TBXAS1: variants seen among roughly 807,000 people sequenced by gnomAD.
TBXAS1 encodes the protein thromboxane-A synthase.
TBXAS1 carries 48 observed loss-of-function variants against 60.7 expected under a neutral mutation model. The observed-to-expected ratio is 0.79, with a 90% CI of 0.63 to 1.01. TBXAS1 has a LOEUF of 1.01. TBXAS1 is among the 50% of genes least tolerant of loss of function. The pLI is 0.00. For synonymous variants in TBXAS1, 287 were observed against 269.7 expected (o/e 1.06, Z -0.63); for missense variants, 685 against 686.3 (o/e 1.00, Z 0.02).
chr7:139,829,707 G>A (rs548167954), intron 1 of TBXAS1, among the ~76,000 whole-genome samples: 25 of 152,278 alleles, frequency 1.6e-4, no homozygotes, highest in Middle Eastern at 3.4e-3. Context: ...GACTGAGAAC[G>A]CTACACATAA....
At chr7:139,961,875 G>T in intron 8 of TBXAS1, 44 bp from the exon 9 acceptor site, 3 of 1,612,528 alleles carry the variant, frequency 1.9e-6, no homozygotes, top group South Asian at 2.2e-5. Flanking sequence ...CACTCTTCAT[G>T]ACTGTAAGGT....
chr7:139,784,763 A>G (rs1011078953), intron 3 of TBXAS1, among the ~76,000 whole-genome samples: 15 of 152,200 alleles, frequency 9.9e-5, no homozygotes, highest in Admixed American at 3.3e-4. Flanking sequence ...TGTTGAGTCT[A>G]AAGTACCTAT....
At chr7:139,817,664 G>A (rs1798185616) in intron 4 of TBXAS1, among the ~76,000 whole-genome samples, 1 of 152,222 alleles carries the variant, frequency 6.6e-6, no homozygotes, top group African/African-American at 2.4e-5. Context: ...GCATGAAAGT[G>A]AGATGATGTG....
chr7:139,959,781 A>G (rs1236456038), intron 8 of TBXAS1, among the ~76,000 whole-genome samples: 1 of 152,100 alleles, frequency 6.6e-6, no homozygotes, highest in Non-Finnish European at 1.5e-5. Flanking sequence ...GACCACAATG[A>G]TATCACACCC....
chr7:139,916,439 A>C lies in TBXAS1; in HGVS notation c.333+5118A>C, dbSNP rs897744919. On this transcript the variant is annotated intron_variant, in intron 4 of 12. Coordinates refer to ENST00000448866, the MANE Select transcript of TBXAS1 (RefSeq NM_001061.7). The surrounding 1 kb of genome is among the most constrained non-coding windows in gnomAD (Gnocchi z 4.2). ...GGTCCTCATGAGCAACACAGAGGTC[A>C]CCTCTCCAGGCACAGGTCGAGCCAC... Among the ~76,000 whole-genome samples, 1 of 152,058 alleles carries C rather than the reference A, an allele frequency of 6.6e-6. No homozygotes were observed. Among genetic ancestry groups the C allele is most frequent in the Non-Finnish European group, 1.5e-5 (1 of 68,026 alleles).
At chr7:139,985,334 T>C (rs976765863) in intron 9 of TBXAS1, among the ~76,000 whole-genome samples, 13 of 152,172 alleles carry the variant, frequency 8.5e-5, no homozygotes, top group East Asian at 1.9e-4. Flanking sequence ...ACTGTCTGTG[T>C]CCCTCTAGAG....
intron 9 of TBXAS1, among the ~76,000 whole-genome samples, chr7:139,998,896 T>C (rs1813476217): frequency 6.6e-6 from 1 of 152,220 alleles, no homozygotes; most frequent in African/African-American, 2.4e-5. Context: ...AATCTCTGTG[T>C]TTTTATGAGA....
intron 5 of TBXAS1, among the ~76,000 whole-genome samples, chr7:139,949,541 T>C (rs569523516): frequency 6.6e-6 from 1 of 152,354 alleles, no homozygotes; most frequent in East Asian, 1.9e-4. Context: ...TGAGACTTCT[T>C]GGAAGTTGGG....
At chr7:139,879,063 C>T (rs17161202) in intron 3 of TBXAS1, among the ~76,000 whole-genome samples, 2,266 of 152,282 alleles carry the variant, frequency 0.015, 31 homozygotes, top group African/African-American at 0.032. Flanking sequence ...GTTTGAGGCT[C>T]AAAACTGGAA....
intron 9 of TBXAS1, among the ~76,000 whole-genome samples, chr7:139,992,867 C>T (rs1440970241): frequency 6.6e-6 from 1 of 152,158 alleles, no homozygotes; most frequent in Non-Finnish European, 1.5e-5. Flanking sequence ...TGTGTCTCTT[C>T]CTCTTTTTAA....
At chr7:139,851,776 A>G (rs1415124691) in intron 1 of TBXAS1, among the ~76,000 whole-genome samples, 1 of 152,206 alleles carries the variant, frequency 6.6e-6, no homozygotes, top group Admixed American at 6.5e-5. Context: ...ACATTTGTTC[A>G]CAATAGGGCA....
intron 3 of TBXAS1, among the ~76,000 whole-genome samples, chr7:139,902,250 T>C (rs1804641159): frequency 6.6e-6 from 1 of 151,936 alleles, no homozygotes; most frequent in South Asian, 2.1e-4. Context: ...GAACTACCCC[T>C]GTATAGCCAC....
At chr7:139,952,776 T>C (rs1388780013) in intron 5 of TBXAS1, 10 of 1,354,522 alleles carry the variant, frequency 7.4e-6, no homozygotes, top group East Asian at 2.6e-5. Flanking sequence ...AGGAGGCATC[T>C]TGAAGTCAAG....
At chr7:139,828,272 T>C (rs1798503327), upstream of TBXAS1, among the ~76,000 whole-genome samples, 2 of 152,366 alleles carry the variant, frequency 1.3e-5, no homozygotes, top group South Asian at 4.1e-4. Context: ...TCAATTCTAT[T>C]GCTGAGACTT....
At chr7:139,900,093 T>A (rs886615349) in intron 3 of TBXAS1, among the ~76,000 whole-genome samples, 1 of 152,244 alleles carries the variant, frequency 6.6e-6, no homozygotes, top group Non-Finnish European at 1.5e-5. Flanking sequence ...ACGATTGTTG[T>A]TAATCTCAAA....
At chr7:140,019,892 G>A (rs544256932) in intron 12 of TBXAS1, 133 bp from the exon 13 acceptor site, 14 of 813,780 alleles carry the variant, frequency 1.7e-5, no homozygotes, top group Middle Eastern at 2.2e-4. Flanking sequence ...AGATAGGTTT[G>A]GGGCTTTGCT....
rs544341642 is a variant in TBXAS1, at chr7:139,811,490, T to C, written c.-79-17822T>C. Among the ~76,000 whole-genome samples the C allele has an allele frequency of 3.3e-5, 5 of 152,386 alleles. No homozygotes were observed. In the East Asian group the frequency reaches 9.6e-4, roughly 29 times the overall value. On this transcript the variant is annotated intron_variant, in intron 4 of 16. Coordinates refer to the TBXAS1 transcript ENST00000336425. ...GCTGCTTATGAAAATTGTCTGTACC[T>C]GTCTTTGATGATTCTGGACTAGAAA...
At chr7:139,783,600 G>A (rs1221191821) in intron 3 of TBXAS1, among the ~76,000 whole-genome samples, 1 of 152,224 alleles carries the variant, frequency 6.6e-6, no homozygotes, top group Non-Finnish European at 1.5e-5. Context: ...AAATGGTGCA[G>A]AAAGAAGCTT....
intron 3 of TBXAS1, among the ~76,000 whole-genome samples, chr7:139,905,000 TTTCTC>T (rs1804882356): frequency 4.2e-5 from 4 of 95,234 alleles, no homozygotes; most frequent in African/African-American, 1.0e-4. Context: ...TCTTTCTCTC[TTTCTC>T]TCTTTCTTTC....
Sources: allele counts gnomAD v4.1 joint callset (sites outside exome capture counted in the v4.1 genomes callset), GRCh38; gene constraint gnomAD v4.1.1; non-coding constraint Gnocchi (gnomAD v3.1); transcripts MANE v1.5; gene names NCBI Gene and HGNC (gene_info 2026-07-23, HGNC 2026-07-21).